PSMD1: variants seen among roughly 807,000 people sequenced by gnomAD.
PSMD1 encodes 26S proteasome non-ATPase regulatory subunit 1.
Under a neutral mutation model 119.0 loss-of-function variants are expected in PSMD1, and 18 were observed. The observed-to-expected ratio is 0.15, with a 90% CI of 0.10 to 0.22. PSMD1 has a LOEUF of 0.22. PSMD1 is among the 10% of genes least tolerant of loss of function. The pLI is 1.00. For synonymous variants in PSMD1, 374 were observed against 396.6 expected, an observed-to-expected ratio of 0.94 and a Z score of 0.68; for missense variants, 702 against 1,158.5, an observed-to-expected ratio of 0.61 and a Z score of 5.72.
chr2:231,139,314 C>CTTTTTTTTTTTTTT (rs60709158), intron 17 of PSMD1, among the ~76,000 whole-genome samples: 45 of 93,540 alleles, frequency 4.8e-4, no homozygotes, highest in Non-Finnish European at 5.5e-4. Context: ...TTTTTTCTTT[C>CTTTTTTTTTTTTTT]TTTTTTTTTT....
intron 8 of PSMD1, 120 bp downstream of exon 8, chr2:231,075,691 C>A: frequency 2.5e-6 from 2 of 799,146 alleles, no homozygotes; most frequent in Non-Finnish European, 3.9e-6. Flanking sequence ...GCTTTCCTCC[C>A]ACCTTAGCCT....
At chr2:231,074,970 AG>A (rs1334713249) in intron 7 of PSMD1, among the ~76,000 whole-genome samples, 2 of 152,202 alleles carry the variant, frequency 1.3e-5, no homozygotes, top group African/African-American at 4.8e-5. Flanking sequence ...CTGGGACTAC[AG>A]GCACGCACCA....
intron 16 of PSMD1, chr2:231,109,472 C>G: frequency 7.3e-7 from 1 of 1,368,124 alleles, no homozygotes; most frequent in East Asian, 2.3e-5. Context: ...TCGATTAGAT[C>G]CTTTTGGATT....
chr2:231,150,517 G>T (rs979176693), intron 18 of PSMD1, among the ~76,000 whole-genome samples: 2 of 151,742 alleles, frequency 1.3e-5, no homozygotes, highest in Admixed American at 6.6e-5. Context: ...AAACTCAGAG[G>T]TTTGTTTGTT....
intron 19 of PSMD1, among the ~76,000 whole-genome samples, chr2:231,161,048 C>CA (rs1278756765): frequency 6.6e-6 from 1 of 151,872 alleles, no homozygotes; most frequent in Non-Finnish European, 1.5e-5. Context: ...CTCGTCTCTA[C>CA]AAAAAATTTA....
At chr2:231,147,610 G>C (rs1302860569) in intron 18 of PSMD1, among the ~76,000 whole-genome samples, 1 of 152,210 alleles carries the variant, frequency 6.6e-6, no homozygotes, top group Non-Finnish European at 1.5e-5. Flanking sequence ...CTAAGAAACA[G>C]AAAATGCATG....
At chr2:231,153,172 A>G (rs1288551207) in intron 18 of PSMD1, among the ~76,000 whole-genome samples, 1 of 152,240 alleles carries the variant, frequency 6.6e-6, no homozygotes, top group Non-Finnish European at 1.5e-5. Context: ...GAACTGAAGG[A>G]CCATGCTTTT....
intron 16 of PSMD1, among the ~76,000 whole-genome samples, chr2:231,134,616 C>T (rs1240413531): frequency 1.3e-5 from 2 of 152,184 alleles, no homozygotes; most frequent in African/African-American, 4.8e-5. Context: ...GTGTTATCTT[C>T]ATTATTCCTC....
At chr2:231,080,861 G>T (rs1384962457) in intron 12 of PSMD1, among the ~76,000 whole-genome samples, 5 of 152,112 alleles carry the variant, frequency 3.3e-5, no homozygotes, top group Non-Finnish European at 7.3e-5. Flanking sequence ...TTGAAGCCAG[G>T]GCTGGGCACG....
chr2:231,097,406 T>TA (rs1694752646), intron 16 of PSMD1, among the ~76,000 whole-genome samples: 1 of 152,240 alleles, frequency 6.6e-6, no homozygotes, highest in Admixed American at 6.5e-5. Flanking sequence ...GTGCCTTTGT[T>TA]ATACTTCCAT....
chr2:231,167,786 C>G (rs1020643794), intron 23 of PSMD1, among the ~76,000 whole-genome samples: 5 of 152,148 alleles, frequency 3.3e-5, no homozygotes, highest in Non-Finnish European at 7.3e-5. Flanking sequence ...AAAGCTCCTC[C>G]AACTCAACAA....
intron 14 of PSMD1, among the ~76,000 whole-genome samples, 185 bp downstream of exon 14, chr2:231,083,948 G>T (rs1574716358): frequency 6.6e-6 from 1 of 152,184 alleles, no homozygotes; most frequent in East Asian, 1.9e-4. Context: ...AAGGTACATG[G>T]GAGTAATTTG....
rs575598834 is a variant in PSMD1 at position 231,072,928 on chromosome 2, T to A, written c.881+513T>A. The stretch of plus-strand genomic sequence containing the variant: ...ACTTACTAAAAACATTTGTGTGTCT[T>A]AGTTGTGCCTGTATATGCCGGCAGC... On this transcript the variant is annotated intron_variant, in intron 7 of 24. Coordinates refer to ENST00000308696, the MANE Select transcript of PSMD1 (RefSeq NM_002807.4). Among the ~76,000 whole-genome samples, 13 of 152,292 alleles carry A rather than the reference T, an allele frequency of 8.5e-5. No homozygotes were observed. In the South Asian group the frequency reaches 2.7e-3, roughly 32 times the overall value.
At chr2:231,082,800 G>A in intron 12 of PSMD1, 83 bp from the exon 13 acceptor site, 1 of 1,021,518 alleles carries the variant, frequency 9.8e-7, no homozygotes. Flanking sequence ...TATTTAATGT[G>A]AAACTGTATT....
At chr2:231,163,515 G>T in intron 20 of PSMD1, 120 bp from the exon 21 acceptor site, 1 of 606,258 alleles carries the variant, frequency 1.6e-6, no homozygotes, top group Non-Finnish European at 2.9e-6. Flanking sequence ...TTTCAGAGAG[G>T]AGTCATAACA....
At chr2:231,138,191 A>G (rs540928336) in intron 16 of PSMD1, among the ~76,000 whole-genome samples, 49 of 152,334 alleles carry the variant, frequency 3.2e-4, no homozygotes, top group Non-Finnish European at 5.6e-4. Flanking sequence ...AGAATGAAAA[A>G]TAATTTCTCT....
At chr2:231,075,263 G>C (rs540472912) in intron 7 of PSMD1, among the ~76,000 whole-genome samples, 1 of 152,072 alleles carries the variant, frequency 6.6e-6, no homozygotes, top group East Asian at 1.9e-4. Context: ...ATATTTTGTC[G>C]CCTGTTCTTG....
At chr2:231,138,942 G>C in intron 17 of PSMD1, 92 bp downstream of exon 17, 2 of 918,788 alleles carry the variant, frequency 2.2e-6, no homozygotes, top group East Asian at 5.2e-5. Flanking sequence ...AAAAATACAA[G>C]TGCAATGTGA....
At chr2:231,087,670 G>A (rs1694485685) in intron 16 of PSMD1, among the ~76,000 whole-genome samples, 1 of 152,086 alleles carries the variant, frequency 6.6e-6, no homozygotes, top group South Asian at 2.1e-4. Context: ...TGTTTAAGAA[G>A]TCATACTCTT....
Sources: gnomAD v4.1 joint callset for allele counts (sites outside exome capture counted in the v4.1 genomes callset) on GRCh38, gnomAD v4.1.1 for gene constraint, MANE v1.5 for transcripts, NCBI Gene and HGNC (gene_info 2026-07-23, HGNC 2026-07-21) for gene names.